The following MLPH variants were observed in gnomAD, a reference collection of about 807,000 sequenced individuals.
MLPH encodes the protein exophilin-3.
In MLPH, 51 loss-of-function variants were observed where a neutral mutation model predicts 72.1. The ratio of observed to expected loss-of-function variants is 0.71; its 90% CI spans 0.56 to 0.89. The LOEUF (loss-of-function observed/expected upper bound fraction) is 0.89. MLPH is among the 40% of genes least tolerant of loss of function. The pLI is 0.00. For missense variants in MLPH, 743 were observed against 759.9 expected, an observed-to-expected ratio of 0.98 and a Z score of 0.26; for synonymous variants, 301 against 310.1, an observed-to-expected ratio of 0.97 and a Z score of 0.31.
intron 8 of MLPH, among the ~76,000 whole-genome samples, chr2:237,532,176 C>T (rs1457690187): frequency 2.0e-5 from 3 of 152,228 alleles, no homozygotes; most frequent in African/African-American, 4.8e-5. Flanking sequence ...GGAGGAAGCA[C>T]TCTCAATCTG....
At chr2:237,547,169 G>A (rs75181194) in intron 13 of MLPH, among the ~76,000 whole-genome samples, 3,514 of 152,350 alleles carry the variant, frequency 0.023, 135 homozygotes, top group African/African-American at 0.079. Flanking sequence ...GCGGGCCCGT[G>A]GCCTGGGGAC....
intron 12 of MLPH, chr2:237,545,739 C>T: frequency 2.9e-6 from 3 of 1,024,230 alleles, no homozygotes; most frequent in Non-Finnish European, 3.8e-6. Flanking sequence ...GAAAGATGAC[C>T]TTAGGAGAGT....
At chr2:237,532,723 G>T (rs115314512) in intron 8 of MLPH, among the ~76,000 whole-genome samples, 226 of 152,342 alleles carry the variant, frequency 1.5e-3, no homozygotes, top group African/African-American at 5.0e-3. Context: ...CCCACACAGG[G>T]TCAGATGCCC....
At chr2:237,496,003 G>C (rs1004510742) in intron 2 of MLPH, among the ~76,000 whole-genome samples, 2 of 152,058 alleles carry the variant, frequency 1.3e-5, no homozygotes, top group Admixed American at 6.5e-5. Context: ...TTCTCTCTAC[G>C]TAAACTCAAA....
chr2:237,497,117 G>A (rs772599117), intron 2 of MLPH, among the ~76,000 whole-genome samples: 18 of 152,286 alleles, frequency 1.2e-4, no homozygotes, highest in Non-Finnish European at 1.5e-4. Flanking sequence ...TAGATCCCTC[G>A]CAAGCACAGT....
intron 2 of MLPH, among the ~76,000 whole-genome samples, chr2:237,504,841 T>C (rs889227297): frequency 6.6e-6 from 1 of 152,204 alleles, no homozygotes; most frequent in African/African-American, 2.4e-5. Flanking sequence ...CTCAGTGGCA[T>C]GGCAAAAACT....
intron 1 of MLPH, among the ~76,000 whole-genome samples, chr2:237,492,559 C>T (rs893273071): frequency 3.3e-5 from 5 of 152,180 alleles, no homozygotes; most frequent in East Asian, 3.9e-4. Context: ...GATCCTAATA[C>T]ACCCCAGGCA....
chr2:237,540,520 A>G lies in MLPH; in HGVS notation c.1277A>G (p.Gln426Arg). ...NRDKSVGPLP[Q>R]ADPEVGTAAH... Reference sequence around the variant, plus strand: ...GACAAATCAGTTGGGCCTCTCCCCCAGGCGGACCCGGAGGTAAGACTATCC... The same window carrying G: ...GACAAATCAGTTGGGCCTCTCCCCCGGGCGGACCCGGAGGTAAGACTATCC... Residue 426 changes from glutamine to arginine, a missense_variant, in exon 10 of 16, where the codon CAG becomes CGG. Coordinates refer to ENST00000264605, the MANE Select transcript of MLPH (RefSeq NM_024101.7). 1 of 1,611,492 alleles carries G rather than the reference A, an allele frequency of 6.2e-7. No homozygotes were observed. The highest frequency in any genetic ancestry group is 8.5e-7 in the Non-Finnish European group (1 of 1,179,756).
At chr2:237,516,874 T>A (rs1559350324) in intron 4 of MLPH, among the ~76,000 whole-genome samples, 8 of 144,782 alleles carry the variant, frequency 5.5e-5, no homozygotes, top group Non-Finnish European at 1.2e-4. Context: ...GATGGATGGG[T>A]GGATGGATGG....
chr2:237,493,376 A>G, intron 1 of MLPH, 27 bp from the exon 2 acceptor site: 3 of 1,459,130 alleles, frequency 2.1e-6, no homozygotes, highest in Non-Finnish European at 2.9e-6. Context: ...TCTGGGACTG[A>G]TGACTTGTGA....
chr2:237,489,662 G>C (rs1382606148), intron 1 of MLPH, among the ~76,000 whole-genome samples: 1 of 152,192 alleles, frequency 6.6e-6, no homozygotes, highest in Non-Finnish European at 1.5e-5. Flanking sequence ...GAGTCAGAGA[G>C]AGCATTCCTG....
intron 14 of MLPH, among the ~76,000 whole-genome samples, chr2:237,550,369 A>G (rs13395864): frequency 0.21 from 31,554 of 152,048 alleles, 5,922 homozygotes; most frequent in African/African-American, 0.51. Flanking sequence ...ATCCTGGGAT[A>G]CAGCTGGTGC....
Position 237,518,247 on chromosome 2 carries a change from A to G in MLPH, c.446-292A>G, listed in dbSNP as rs79213383. On this transcript the variant is annotated intron_variant, in intron 4 of 15. Transcript: ENST00000264605. ...GATAGGTGGGTGTATGGGTGGGTGG[A>G]TGGATTGATGCATGGATGGATGGGC... is the stretch of plus-strand genomic sequence containing the variant. 79,297 of 503,018 alleles carry G rather than the reference A, an allele frequency of 0.16. 7,539 individuals are homozygous for G. Among genetic ancestry groups the G allele is most frequent in the African/African-American group, 0.34 (17,449 of 51,478 alleles). The allele number at this position is 503,018 out of a possible 1,614,324, so 31.2% of individuals were successfully genotyped here. A position where few individuals can be genotyped will look rare whatever the true frequency, so the allele number is the denominator to read the frequency against.
intron 4 of MLPH, among the ~76,000 whole-genome samples, chr2:237,513,585 T>C (rs6736468): frequency 0.25 from 37,335 of 152,006 alleles, 6,561 homozygotes; most frequent in African/African-American, 0.5. Flanking sequence ...TTAGCATGAC[T>C]TGATCAGATA....
rs1311579580 is a variant in MLPH, at chr2:237,510,355, T to C, written c.111-219T>C. On this transcript the variant is annotated intron_variant, in intron 2 of 15. Coordinates refer to ENST00000264605, the MANE Select transcript of MLPH (RefSeq NM_024101.7). This position sits in a 1 kb window ranked among gnomAD's most constrained non-coding sequence, Gnocchi z 4.4. Reference sequence around the variant, plus strand: ...ATGAAATTAACGTGTTTCCATTCCATTCCAGCCACCAAAATTGCCCGTTTG... The same window carrying C: ...ATGAAATTAACGTGTTTCCATTCCACTCCAGCCACCAAAATTGCCCGTTTG... The C allele has an allele frequency of 1.6e-5, 10 of 621,874 alleles. No individual in the cohort carries two copies. The highest frequency in any genetic ancestry group is 2.9e-5 in the Non-Finnish European group (10 of 342,202). The allele number at this position is 621,874 out of a possible 1,614,324, so 38.5% of individuals were successfully genotyped here.
At chr2:237,501,019 C>T (rs1348142828) in intron 2 of MLPH, among the ~76,000 whole-genome samples, 1 of 151,608 alleles carries the variant, frequency 6.6e-6, no homozygotes, top group African/African-American at 2.4e-5. Flanking sequence ...ATAACCCCCA[C>T]AGAGCTTCCA....
At chr2:237,503,456 C>T (rs1298213898) in intron 2 of MLPH, among the ~76,000 whole-genome samples, 7 of 152,128 alleles carry the variant, frequency 4.6e-5, no homozygotes, top group South Asian at 4.1e-4. Flanking sequence ...TGGTAATTCC[C>T]GACACGCGTT....
chr2:237,520,064 C>T (rs759479838), intron 6 of MLPH, 35 bp downstream of exon 6: 86 of 1,613,398 alleles, frequency 5.3e-5, no homozygotes, highest in Non-Finnish European at 6.5e-5. Context: ...CCTGCCCCTC[C>T]CAGGAACCTG....
chr2:237,488,296 A>G (rs1452444567), intron 1 of MLPH, among the ~76,000 whole-genome samples: 1 of 152,138 alleles, frequency 6.6e-6, no homozygotes, highest in Non-Finnish European at 1.5e-5. Flanking sequence ...TCTCAGGAAA[A>G]GGCTTCTGGA....
Sources: allele counts gnomAD v4.1 joint callset (sites outside exome capture counted in the v4.1 genomes callset), GRCh38; gene constraint gnomAD v4.1.1; non-coding constraint Gnocchi (gnomAD v3.1); transcripts MANE v1.5; gene names NCBI Gene and HGNC (gene_info 2026-07-23, HGNC 2026-07-21).